Variants in CLEC9A observed in about 807,000 individuals in gnomAD.
CLEC9A encodes the protein C-type lectin domain containing 9A.
In CLEC9A, 24 loss-of-function variants were observed where a neutral mutation model predicts 30.0. That is an observed-to-expected ratio of 0.80 (90% CI 0.58 to 1.13). The LOEUF is 1.13. CLEC9A is among the 50% of genes most tolerant of loss of function. The pLI, the probability that CLEC9A is intolerant of heterozygous loss-of-function variation, is 0.00. For synonymous variants in CLEC9A, 111 were observed against 96.8 expected (o/e 1.15, Z -0.86); for missense variants, 251 against 280.9 (o/e 0.89, Z 0.76).
At chr12:10,058,935 G>A (rs1384637552) in intron 5 of CLEC9A, among the ~76,000 whole-genome samples, 3 of 152,072 alleles carry the variant, frequency 2.0e-5, no homozygotes, top group African/African-American at 7.2e-5. Flanking sequence ...TTGCCCATTT[G>A]TTCTCCTCTT....
At chr12:10,052,606 C>T (rs563777818) in intron 3 of CLEC9A, 24 bp from the exon 4 acceptor site, 1 of 1,559,796 alleles carries the variant, frequency 6.4e-7, no homozygotes, top group South Asian at 1.2e-5. Flanking sequence ...TCAGTTCTTA[C>T]ACCAACCTGC....
At chr12:10,051,272 C>T (rs1326666836) in intron 2 of CLEC9A, among the ~76,000 whole-genome samples, 1 of 151,796 alleles carries the variant, frequency 6.6e-6, no homozygotes, top group Admixed American at 6.6e-5. Context: ...TTCAGTTGCC[C>T]CTGGGGATTC....
intron 2 of CLEC9A, among the ~76,000 whole-genome samples, chr12:10,044,112 C>T (rs1186072679): frequency 6.6e-6 from 1 of 152,154 alleles, no homozygotes; most frequent in African/African-American, 2.4e-5. Context: ...GAATTAGATA[C>T]ATTGGGGTTC....
chr12:10,063,382 T>C (rs1866014410), intron 7 of CLEC9A, among the ~76,000 whole-genome samples, 176 bp downstream of exon 7: 1 of 152,216 alleles, frequency 6.6e-6, no homozygotes, highest in African/African-American at 2.4e-5. Flanking sequence ...TTCTTTTTAA[T>C]GGGAAAACAT....
At chr12:10,052,456 C>T in intron 3 of CLEC9A, 174 bp from the exon 4 acceptor site, 2 of 1,195,610 alleles carry the variant, frequency 1.7e-6, no homozygotes, top group East Asian at 3.4e-5. Flanking sequence ...ATTCTAAATT[C>T]AGTTCTCTCT....
intron 1 of CLEC9A, among the ~76,000 whole-genome samples, chr12:10,035,209 C>T (rs561771374): frequency 2.5e-4 from 38 of 152,304 alleles, no homozygotes; most frequent in African/African-American, 8.7e-4. Context: ...TATGTGTCTG[C>T]CTGCTAGGGT....
intron 1 of CLEC9A, among the ~76,000 whole-genome samples, chr12:10,039,624 G>T (rs970592490): frequency 6.6e-6 from 1 of 151,806 alleles, no homozygotes; most frequent in Non-Finnish European, 1.5e-5. Flanking sequence ...TAAAATTTGC[G>T]TCATCCCACT....
At chr12:10,042,603 A>G (rs4237956) in intron 2 of CLEC9A, among the ~76,000 whole-genome samples, 151,205 of 152,360 alleles carry the variant, frequency 0.99, 75,035 homozygotes, top group Middle Eastern at 1. Flanking sequence ...ATAGATTTTA[A>G]TTGAAGCAAC....
chr12:10,046,938 A>T (rs893241857), intron 2 of CLEC9A, among the ~76,000 whole-genome samples: 1 of 152,208 alleles, frequency 6.6e-6, no homozygotes, highest in East Asian at 1.9e-4. Flanking sequence ...CTCATAGGTA[A>T]TTGTAAACCT....
At chr12:10,056,676 G>A (rs1296317548) in intron 5 of CLEC9A, among the ~76,000 whole-genome samples, 1 of 152,044 alleles carries the variant, frequency 6.6e-6, no homozygotes, top group Non-Finnish European at 1.5e-5. Context: ...TGACGATGAG[G>A]AGAAAAATAT....
rs1487135516 is a variant in CLEC9A at position 10,064,856 on chromosome 12, A to C, written c.593+3A>C. 6.2e-7 allele frequency: 1 copy of C among 1,610,182 alleles called. No homozygotes were observed. The highest frequency in any genetic ancestry group is 8.5e-7 in the Non-Finnish European group (1 of 1,178,590). Reference sequence around the variant, plus strand: ...GGCTCCTCTCCTTCTCCTGGCCTGTAAGTCTCTGAGTGAAATGCTACAAGA... The same window carrying C: ...GGCTCCTCTCCTTCTCCTGGCCTGTCAGTCTCTGAGTGAAATGCTACAAGA... On this transcript the variant is annotated splice_donor_region_variant and intron_variant, in intron 8 of 8. Coordinates refer to ENST00000355819, the MANE Select transcript of CLEC9A (RefSeq NM_207345.4).
intron 2 of CLEC9A, among the ~76,000 whole-genome samples, chr12:10,043,844 C>T (rs1865820847): frequency 6.6e-6 from 1 of 151,884 alleles, no homozygotes; most frequent in African/African-American, 2.4e-5. Context: ...ACCACACCAG[C>T]TAATTTTTGT....
At chr12:10,057,469 A>G (rs1316926030) in intron 5 of CLEC9A, among the ~76,000 whole-genome samples, 1 of 151,924 alleles carries the variant, frequency 6.6e-6, no homozygotes, top group Non-Finnish European at 1.5e-5. Flanking sequence ...CATATATATA[A>G]CTAAAGGCCA....
intron 5 of CLEC9A, 81 bp from the exon 6 acceptor site, chr12:10,061,046 A>G: frequency 6.9e-7 from 1 of 1,455,428 alleles, no homozygotes; most frequent in Non-Finnish European, 9.2e-7. Flanking sequence ...AGTAATTTGT[A>G]CTTGTCTTTA....
chr12:10,030,745 T>G lies in CLEC9A; in HGVS notation c.-545T>G, dbSNP rs1393257878. On this transcript the variant is annotated 5_prime_UTR_variant, in exon 1 of 9. Coordinates refer to ENST00000355819, the MANE Select transcript of CLEC9A (RefSeq NM_207345.4). ...TTTTCTGCTAGACTGGCAACATGTT[T>G]TGATTCTTCTCAAATAACTCGCAAG... 3 of 152,226 alleles carry G rather than the reference T, an allele frequency of 2.0e-5. No homozygotes were observed. The highest frequency in any genetic ancestry group is 2.0e-4 in the Admixed American group (3 of 15,290). 9.4% of individuals were successfully genotyped at this position (152,226 alleles called of 1,614,324 possible). A position where few individuals can be genotyped will look rare whatever the true frequency, so the allele number is the denominator to read the frequency against.
intron 5 of CLEC9A, among the ~76,000 whole-genome samples, chr12:10,058,220 G>C (rs955824067): frequency 6.6e-6 from 1 of 152,062 alleles, no homozygotes; most frequent in African/African-American, 2.4e-5. Flanking sequence ...ATCTAAAAAG[G>C]TATCTAAATA....
chr12:10,032,172 CCA>C (rs1287579621), intron 1 of CLEC9A, among the ~76,000 whole-genome samples: 3 of 152,150 alleles, frequency 2.0e-5, no homozygotes, highest in African/African-American at 7.2e-5. Context: ...AAAGGCATAG[CCA>C]CTTTGGAAGG....
intron 1 of CLEC9A, among the ~76,000 whole-genome samples, chr12:10,036,484 C>A (rs1189713767): frequency 1.3e-5 from 2 of 152,192 alleles, no homozygotes; most frequent in Admixed American, 1.3e-4. Flanking sequence ...GGTAAGAAGT[C>A]TGTGAAAAGC....
chr12:10,053,611 G>A (rs1311818952), intron 4 of CLEC9A, among the ~76,000 whole-genome samples: 2 of 152,000 alleles, frequency 1.3e-5, no homozygotes, highest in Non-Finnish European at 2.9e-5. Context: ...TCCACATAAG[G>A]TAACTCACAA....
Sources: allele counts gnomAD v4.1 joint callset (sites outside exome capture counted in the v4.1 genomes callset), GRCh38; gene constraint gnomAD v4.1.1; transcripts MANE v1.5; gene names NCBI Gene and HGNC (gene_info 2026-07-23, HGNC 2026-07-21).